Variants in OR4N2 observed in about 807,000 individuals in gnomAD.
The protein encoded by OR4N2 is olfactory receptor family 4 subfamily N member 2, also known as olfactory receptor 4N2.
For synonymous variants in OR4N2, 141 were observed against 140.4 expected (o/e 1.00, Z -0.03); for missense variants, 307 against 377.6 (o/e 0.81, Z 1.55).
intron 1 of OR4N2, among the ~76,000 whole-genome samples, chr14:19,813,595 A>T (rs1346506744): frequency 1.3e-5 from 2 of 152,242 alleles, no homozygotes; most frequent in African/African-American, 2.4e-5. Flanking sequence ...CATGGTAAAC[A>T]ATTACATTTA....
At chr14:19,815,952 G>A (rs1364995788) in intron 1 of OR4N2, among the ~76,000 whole-genome samples, 1 of 152,216 alleles carries the variant, frequency 6.6e-6, no homozygotes, top group Non-Finnish European at 1.5e-5. Flanking sequence ...TTATTAAATA[G>A]GGAATCCTTT....
chr14:19,824,134 T>G (rs1467963119), intron 1 of OR4N2, among the ~76,000 whole-genome samples: 5 of 152,264 alleles, frequency 3.3e-5, no homozygotes, highest in Admixed American at 2.0e-4. Flanking sequence ...GACAGAACTT[T>G]CTCTACTAAT....
At position 19,828,369 on chromosome 14, in the gene OR4N2, C is replaced by T; in HGVS notation, c.921C>T (p.Ala307=). The T allele has an allele frequency of 6.3e-7, 1 of 1,580,784 alleles. No homozygotes were observed. The change falls in exon 2 of 2, where the codon GCC becomes GCT. Residue 307 remains alanine (A), a synonymous_variant. Coordinates refer to ENST00000557677, the MANE Select transcript of OR4N2 (RefSeq NM_001004723.3). ...SMKKVFNKHI[A] ...AAAAGGTGTTTAATAAGCACATAGCCTGAAAAAGGGCGCAAAAAAAAAAAG... is the reference window on the plus strand; with the variant it reads ...AAAAGGTGTTTAATAAGCACATAGCTTGAAAAAGGGCGCAAAAAAAAAAAG...
intron 1 of OR4N2, among the ~76,000 whole-genome samples, chr14:19,823,317 A>T (rs1879612279): frequency 6.6e-6 from 1 of 152,234 alleles, no homozygotes; most frequent in Admixed American, 6.5e-5. Context: ...TTTAAAAAAA[A>T]GGTGAATCAT....
intron 1 of OR4N2, chr14:19,821,831 A>G (rs1289538862): frequency 6.6e-6 from 1 of 152,274 alleles, no homozygotes; most frequent in Non-Finnish European, 1.5e-5. Context: ...TCAAATCTCA[A>G]AAGAACTTTC....
intron 1 of OR4N2, among the ~76,000 whole-genome samples, chr14:19,819,181 G>A (rs1359672322): frequency 6.6e-6 from 1 of 152,032 alleles, no homozygotes; most frequent in Admixed American, 6.6e-5. Context: ...GCTCTTCTCG[G>A]GGAGTATCTT....
intron 1 of OR4N2, among the ~76,000 whole-genome samples, chr14:19,810,703 G>A (rs1289012829): frequency 6.6e-6 from 1 of 152,202 alleles, no homozygotes; most frequent in Non-Finnish European, 1.5e-5. Flanking sequence ...CAAAATTAAT[G>A]AAATATAAAG....
chr14:19,805,364 G>T (rs1206359388), intron 1 of OR4N2, among the ~76,000 whole-genome samples: 8 of 152,168 alleles, frequency 5.3e-5, no homozygotes, highest in Admixed American at 3.9e-4. Context: ...TGACAGAAGA[G>T]CTGAAAGACA....
Position 19,827,588 on chromosome 14 carries a change from T to C in OR4N2, c.140T>C (p.Phe47Ser). 3 of 1,614,218 alleles carry C rather than the reference T, an allele frequency of 1.9e-6. No individual in the cohort carries two copies. The highest frequency in any genetic ancestry group is 2.5e-6 in the Non-Finnish European group (3 of 1,180,018). The change falls in exon 2 of 2, where the codon TTC becomes TCC. Residue 47 changes from phenylalanine to serine, a missense_variant. Transcript: ENST00000557677. The part of the protein sequence containing the change: ...IILPGNFLII[F>S]TIKSDPGLTA... ...CTCCCTGGAAATTTTCTCATTATTTTCACCATAAAGTCAGACCCTGGGCTC... is the reference window on the plus strand; with the variant it reads ...CTCCCTGGAAATTTTCTCATTATTTCCACCATAAAGTCAGACCCTGGGCTC...
intron 1 of OR4N2, among the ~76,000 whole-genome samples, chr14:19,811,938 A>G (rs1001299366): frequency 6.6e-6 from 1 of 152,272 alleles, no homozygotes; most frequent in African/African-American, 2.4e-5. Context: ...TGTGCTGACC[A>G]TTGAAAGAAA....
intron 1 of OR4N2, among the ~76,000 whole-genome samples, chr14:19,825,969 A>T (rs72663749): frequency 0.018 from 2,687 of 152,170 alleles, 33 homozygotes; most frequent in Non-Finnish European, 0.028. Flanking sequence ...AAACTTAAAA[A>T]ATCTATTCCC....
Position 19,822,071 on chromosome 14 carries a change from A to G in OR4N2, c.-9-5369A>G, listed in dbSNP as rs561640908. On this transcript the variant is annotated intron_variant, in intron 1 of 1. Transcript: ENST00000557677. ...TGCAACTATTTTACTTGTTCACCTG[A>G]TATCTTAGATTGCAGTTGAATAGAC... 1.2e-4 allele frequency: 18 copies of G among 152,376 alleles called. No individual in the cohort carries two copies. In the South Asian group the frequency reaches 3.5e-3, roughly 30 times the overall value. The allele number at this position is 152,376 out of a possible 1,614,324, so 9.4% of individuals were successfully genotyped here. A position where few individuals can be genotyped will look rare whatever the true frequency, so the allele number is the denominator to read the frequency against.
At chr14:19,827,369 T>A (rs1879724726) in intron 1 of OR4N2, 71 bp from the exon 2 acceptor site, 1 of 1,349,326 alleles carries the variant, frequency 7.4e-7, no homozygotes, top group Admixed American at 2.3e-5. Flanking sequence ...AAATATTTTT[T>A]AGCTGTATAA....
At chr14:19,811,967 T>C (rs1879307268) in intron 1 of OR4N2, among the ~76,000 whole-genome samples, 2 of 152,364 alleles carry the variant, frequency 1.3e-5, no homozygotes, top group African/African-American at 2.4e-5. Flanking sequence ...TTAAAGGTAT[T>C]AATATTAGGA....
At chr14:19,812,970 T>G (rs1170741440) in intron 1 of OR4N2, among the ~76,000 whole-genome samples, 2 of 152,262 alleles carry the variant, frequency 1.3e-5, no homozygotes, top group Non-Finnish European at 2.9e-5. Flanking sequence ...ATTGTAAAAT[T>G]AATTCAAGAT....
At chr14:19,817,963 A>G (rs1234602294) in intron 1 of OR4N2, among the ~76,000 whole-genome samples, 3 of 152,230 alleles carry the variant, frequency 2.0e-5, no homozygotes, top group Non-Finnish European at 4.4e-5. Flanking sequence ...GTCATTCAGG[A>G]GCAGGTTGTT....
At chr14:19,804,963 TTTC>T (rs1879127099) in intron 1 of OR4N2, among the ~76,000 whole-genome samples, 2 of 152,246 alleles carry the variant, frequency 1.3e-5, no homozygotes, top group Non-Finnish European at 2.9e-5. Flanking sequence ...TCTTTGTCTT[TTTC>T]GATTATTATT....
At chr14:19,808,997 C>T (rs1879232624) in intron 1 of OR4N2, among the ~76,000 whole-genome samples, 1 of 152,182 alleles carries the variant, frequency 6.6e-6, no homozygotes, top group African/African-American at 2.4e-5. Context: ...TTCAACAAGG[C>T]TGACAGAAAC....
intron 1 of OR4N2, among the ~76,000 whole-genome samples, chr14:19,813,297 G>T (rs1297345007): frequency 6.6e-6 from 1 of 152,204 alleles, no homozygotes; most frequent in Non-Finnish European, 1.5e-5. Flanking sequence ...TCTTTTTGTG[G>T]TTATATGGAT....
Sources: gnomAD v4.1 joint callset for allele counts (sites outside exome capture counted in the v4.1 genomes callset) on GRCh38, gnomAD v4.1.1 for gene constraint, MANE v1.5 for transcripts, NCBI Gene and HGNC (gene_info 2026-07-23, HGNC 2026-07-21) for gene names.